MDGA2: variants seen among roughly 807,000 people sequenced by gnomAD.
The protein encoded by MDGA2 is MAM domain-containing glycosylphosphatidylinositol anchor protein 2.
MDGA2 carries 40 observed loss-of-function variants against 117.8 expected under a neutral mutation model. The ratio of observed to expected loss-of-function variants is 0.34; its 90% CI spans 0.26 to 0.44. MDGA2 has a LOEUF of 0.44. Among genes scored for constraint, MDGA2 ranks in the 20% least tolerant of loss-of-function variants. The probability of loss-of-function intolerance (pLI) is 1.00; values close to 1 mark genes in which losing one functional copy is unlikely to be tolerated. For synonymous variants in MDGA2, 452 were observed against 439.0 expected (o/e 1.03, Z -0.37); for missense variants, 1,123 against 1,250.6 (o/e 0.90, Z 1.54).
At chr14:47,323,462 C>T (rs114060987) in intron 1 of MDGA2, among the ~76,000 whole-genome samples, 494 of 151,654 alleles carry the variant, frequency 3.3e-3, no homozygotes, top group African/African-American at 0.011. Context: ...CCTGTCTCTA[C>T]TAAAAAACAA....
chr14:47,088,662 A>G (rs1246629603), intron 6 of MDGA2, among the ~76,000 whole-genome samples: 1 of 152,150 alleles, frequency 6.6e-6, no homozygotes, highest in Non-Finnish European at 1.5e-5. Context: ...TGGCATTCTG[A>G]TTAATAGCTT....
intron 2 of MDGA2, among the ~76,000 whole-genome samples, chr14:47,293,777 C>A (rs905969822): frequency 1.3e-5 from 2 of 152,088 alleles, no homozygotes; most frequent in African/African-American, 4.8e-5. Flanking sequence ...ATATGATGAA[C>A]AAAAATAACT....
intron 1 of MDGA2, among the ~76,000 whole-genome samples, chr14:47,600,071 G>A (rs1032819003): frequency 1.3e-5 from 2 of 151,784 alleles, no homozygotes; most frequent in Admixed American, 1.3e-4. Context: ...CCATATAGAC[G>A]ACATGGCTAC....
intron 10 of MDGA2, among the ~76,000 whole-genome samples, chr14:46,898,663 G>C (rs61991424): frequency 0.032 from 4,927 of 152,140 alleles, 108 homozygotes; most frequent in Non-Finnish European, 0.047. Context: ...CACATATTGT[G>C]TGTTGGCTCC....
intron 1 of MDGA2, among the ~76,000 whole-genome samples, chr14:47,556,581 T>C (rs903077625): frequency 6.6e-6 from 1 of 152,228 alleles, no homozygotes; most frequent in Non-Finnish European, 1.5e-5. Context: ...TTTGGATCCC[T>C]AATACACCAG....
At chr14:47,417,949 TG>T (rs1253901749) in intron 1 of MDGA2, among the ~76,000 whole-genome samples, 1 of 152,060 alleles carries the variant, frequency 6.6e-6, no homozygotes, top group Non-Finnish European at 1.5e-5. Flanking sequence ...CCTGGGCTCA[TG>T]TAGTCCTCCT....
In MDGA2 at chr14:47,561,153, G is replaced by GGTTTTTTTTTTTTTTTTT. The variant is rs1895797132; in HGVS notation, c.280+113363_280+113364insAAAAAAAAAAAAAAAAAC. Among the ~76,000 whole-genome samples the GGTTTTTTTTTTTTTTTTT allele has an allele frequency of 5.5e-4, 35 of 63,894 alleles. 4 individuals are homozygous for GGTTTTTTTTTTTTTTTTT. Among genetic ancestry groups the GGTTTTTTTTTTTTTTTTT allele is most frequent in the South Asian group, 1.0e-3 (1 of 982 alleles). The allele number at this position is 63,894 out of a possible 152,430, so 41.9% of individuals were successfully genotyped here. A position where few individuals can be genotyped will look rare whatever the true frequency, so the allele number is the denominator to read the frequency against. On this transcript the variant is annotated intron_variant, in intron 1 of 16. Transcript: ENST00000399232. The stretch of plus-strand genomic sequence containing the variant: ...TACCTCTATCTTTGTTTTTTTTTTT[G>GGTTTTTTTTTTTTTTTTT]TTTTGTTTTGTTTTTTTGTTTGTTT...
chr14:47,029,676 G>C (rs1047987522), intron 8 of MDGA2, among the ~76,000 whole-genome samples: 8 of 151,954 alleles, frequency 5.3e-5, no homozygotes, highest in Admixed American at 5.2e-4. Context: ...GAAACTAAAG[G>C]ACAGCTTATA....
At chr14:47,415,552 T>A (rs914351708) in intron 1 of MDGA2, among the ~76,000 whole-genome samples, 1 of 152,148 alleles carries the variant, frequency 6.6e-6, no homozygotes, top group African/African-American at 2.4e-5. Flanking sequence ...GTGCCTGATT[T>A]ATAAATTAAA....
At chr14:47,055,880 A>G (rs1490882408) in intron 7 of MDGA2, among the ~76,000 whole-genome samples, 1 of 152,132 alleles carries the variant, frequency 6.6e-6, no homozygotes, top group East Asian at 1.9e-4. Context: ...CCAGCCCTTT[A>G]CGAAATGTTT....
intron 3 of MDGA2, among the ~76,000 whole-genome samples, chr14:47,183,337 C>A (rs550439796): frequency 2.0e-5 from 3 of 152,016 alleles, no homozygotes; most frequent in Non-Finnish European, 4.4e-5. Flanking sequence ...ACATTACAAG[C>A]ATTTCTCCTT....
intron 1 of MDGA2, among the ~76,000 whole-genome samples, chr14:47,498,000 A>G (rs1024433685): frequency 6.6e-6 from 1 of 152,194 alleles, no homozygotes; most frequent in Non-Finnish European, 1.5e-5. Flanking sequence ...ATACAATGTA[A>G]TTCACAAAAA....
At chr14:47,232,949 T>C (rs184144809) in intron 2 of MDGA2, among the ~76,000 whole-genome samples, 4 of 152,260 alleles carry the variant, frequency 2.6e-5, no homozygotes, top group African/African-American at 7.2e-5. Context: ...TTCTGCTAAA[T>C]GAAAACATTA....
intron 10 of MDGA2, among the ~76,000 whole-genome samples, chr14:46,919,109 A>G (rs1162561326): frequency 1.3e-5 from 2 of 152,178 alleles, no homozygotes; most frequent in Non-Finnish European, 2.9e-5. Context: ...ATTTTATTGT[A>G]AAACACAATG....
chr14:47,478,193 A>T (rs763857467), intron 1 of MDGA2, among the ~76,000 whole-genome samples: 6 of 152,192 alleles, frequency 3.9e-5, no homozygotes, highest in Non-Finnish European at 8.8e-5. Context: ...TTTAGTCTTC[A>T]ATATGATTTA....
At chr14:47,061,642 G>C (rs7147741) in intron 6 of MDGA2, 64 bp from the exon 7 acceptor site, 1,135,146 of 1,266,634 alleles carry the variant, frequency 0.9, 509,213 homozygotes, top group East Asian at 1. Flanking sequence ...TTCATTAACT[G>C]TAGATAATCA....
intron 1 of MDGA2, among the ~76,000 whole-genome samples, chr14:47,410,537 G>C (rs991322564): frequency 5.3e-5 from 8 of 151,968 alleles, no homozygotes; most frequent in African/African-American, 1.9e-4. Context: ...GACAACAAAT[G>C]ACATAGCAAC....
chr14:47,198,079 T>G (rs180991131), intron 3 of MDGA2, among the ~76,000 whole-genome samples: 1 of 152,320 alleles, frequency 6.6e-6, no homozygotes, highest in East Asian at 1.9e-4. Context: ...AAAATATTCA[T>G]AGCCATGTAA....
At chr14:47,393,667 C>T (rs746685631) in intron 1 of MDGA2, among the ~76,000 whole-genome samples, 13 of 151,986 alleles carry the variant, frequency 8.6e-5, no homozygotes, top group Non-Finnish European at 1.8e-4. Context: ...TTCCTCCTTC[C>T]TTCAAAATTT....
Sources: gnomAD v4.1 joint callset for allele counts (sites outside exome capture counted in the v4.1 genomes callset) on GRCh38, gnomAD v4.1.1 for gene constraint, MANE v1.5 for transcripts, NCBI Gene and HGNC (gene_info 2026-07-23, HGNC 2026-07-21) for gene names.